SLC2A9: variants seen among roughly 807,000 people sequenced by gnomAD.
The protein encoded by SLC2A9 is solute carrier family 2, facilitated glucose transporter member 9.
A neutral mutation model predicts 50.6 loss-of-function variants in SLC2A9; 39 were observed. The ratio of observed to expected loss-of-function variants is 0.77; its 90% CI spans 0.60 to 1.01. The LOEUF is 1.01. Among genes scored for constraint, SLC2A9 ranks in the 50% least tolerant of loss-of-function variants. The pLI, the probability that SLC2A9 is intolerant of heterozygous loss-of-function variation, is 0.00. For synonymous variants in SLC2A9, 324 were observed against 276.9 expected, an observed-to-expected ratio of 1.17 and a Z score of -1.69; for missense variants, 686 against 677.6, an observed-to-expected ratio of 1.01 and a Z score of -0.14.
intron 11 of SLC2A9, among the ~76,000 whole-genome samples, chr4:9,832,219 TGG>T (rs1436986359): frequency 1.3e-5 from 2 of 152,030 alleles, no homozygotes. Flanking sequence ...GTTGCTCCCA[TGG>T]GCGGGCGTGA....
intron 2 of SLC2A9, among the ~76,000 whole-genome samples, chr4:10,008,580 G>T (rs568844336): frequency 6.6e-6 from 1 of 152,184 alleles, no homozygotes; most frequent in African/African-American, 2.4e-5. Context: ...GCATAGAAAG[G>T]TGCTTACAAA....
chr4:9,979,318 G>A (rs868753643), intron 5 of SLC2A9, among the ~76,000 whole-genome samples: 3 of 152,168 alleles, frequency 2.0e-5, no homozygotes, highest in African/African-American at 4.8e-5. Context: ...GCTCTAGGAC[G>A]TGCGAATTTG....
intron 10 of SLC2A9, chr4:9,879,057 C>T: frequency 1.0e-6 from 1 of 984,774 alleles, no homozygotes; most frequent in East Asian, 1.1e-4. Context: ...TGCTGACCCA[C>T]TGTCAGGCTG....
At chr4:9,889,528 C>T (rs527406225) in intron 9 of SLC2A9, among the ~76,000 whole-genome samples, 12 of 152,320 alleles carry the variant, frequency 7.9e-5, no homozygotes, top group Admixed American at 4.6e-4. Flanking sequence ...CAGGAAGGAA[C>T]TGCATCTGCC....
intron 1 of SLC2A9, among the ~76,000 whole-genome samples, chr4:10,039,232 G>A (rs1181870289): frequency 6.6e-6 from 1 of 152,196 alleles, no homozygotes; most frequent in Non-Finnish European, 1.5e-5. Context: ...CAGTGTAAGT[G>A]CCGCACACAC....
intron 5 of SLC2A9, among the ~76,000 whole-genome samples, chr4:9,943,524 G>A (rs1007872): frequency 0.16 from 24,432 of 152,016 alleles, 2,026 homozygotes; most frequent in South Asian, 0.22. Context: ...GAGTGACTGC[G>A]CATGGGTGTG....
chr4:9,930,231 C>T (rs1031872188), intron 6 of SLC2A9, among the ~76,000 whole-genome samples: 2 of 152,182 alleles, frequency 1.3e-5, no homozygotes, highest in Admixed American at 1.3e-4. Context: ...TTTCACCCAA[C>T]CTTCCCTTCA....
chr4:9,954,426 C>A (rs1236584595), intron 5 of SLC2A9, among the ~76,000 whole-genome samples: 2 of 152,260 alleles, frequency 1.3e-5, no homozygotes, highest in African/African-American at 4.8e-5. Flanking sequence ...ATAAAGAAGT[C>A]TTTGCCTACA....
chr4:10,020,448 C>T lies in SLC2A9; in HGVS notation c.150+832G>A, dbSNP rs75234256. Among the ~76,000 whole-genome samples, 311 of 152,248 alleles carry T rather than the reference C, an allele frequency of 2.0e-3. 7 individuals are homozygous for T. The East Asian group carries it at 0.049, about 24-fold the overall frequency. ...CAGAGGAGGTGCTCCGTAGAGGCTGCTGATCACATGCGGGGGCAAGAGGGA... is the reference window on the plus strand; with the variant it reads ...CAGAGGAGGTGCTCCGTAGAGGCTGTTGATCACATGCGGGGGCAAGAGGGA... On this transcript the variant is annotated intron_variant, in intron 1 of 11. Transcript: ENST00000264784.
chr4:9,890,061 C>T (rs1164356306), intron 9 of SLC2A9, among the ~76,000 whole-genome samples: 1 of 152,158 alleles, frequency 6.6e-6, no homozygotes, highest in Non-Finnish European at 1.5e-5. Context: ...TCATTTCATC[C>T]CACAACACCC....
intron 3 of SLC2A9, among the ~76,000 whole-genome samples, chr4:9,993,353 C>T (rs1167893584): frequency 6.6e-6 from 1 of 152,090 alleles, no homozygotes; most frequent in African/African-American, 2.4e-5. Flanking sequence ...TGGAATGACC[C>T]GTCTCAAATA....
intron 2 of SLC2A9, among the ~76,000 whole-genome samples, chr4:10,014,958 G>C (rs1297686522): frequency 6.6e-6 from 1 of 152,172 alleles, no homozygotes; most frequent in Non-Finnish European, 1.5e-5. Flanking sequence ...GAAGAGTTTG[G>C]GGAATGATTC....
At chr4:9,830,445 T>C (rs1277536797) in intron 11 of SLC2A9, among the ~76,000 whole-genome samples, 1 of 152,208 alleles carries the variant, frequency 6.6e-6, no homozygotes, top group African/African-American at 2.4e-5. Flanking sequence ...GGTTGATCTG[T>C]GTAGCAAACC....
At chr4:9,832,804 G>A (rs1336161350) in intron 11 of SLC2A9, among the ~76,000 whole-genome samples, 2 of 152,188 alleles carry the variant, frequency 1.3e-5, no homozygotes, top group African/African-American at 2.4e-5. Context: ...TCCTAGCACA[G>A]GCAGCGGTGG....
In SLC2A9 at chr4:10,016,177, C is replaced by T. The variant is rs62293387; in HGVS notation, c.249+2798G>A. On this transcript the variant is annotated intron_variant, in intron 2 of 11. Transcript: ENST00000264784. ...GCATACTGGCCACAGAGGTAGAGCT[C>T]CGATATCCCAAACAAGAAGTCCCAT... 2.6e-3 allele frequency among the ~76,000 whole-genome samples: 399 copies of T among 152,310 alleles called. 3 individuals carry two copies. Among genetic ancestry groups the T allele is most frequent in the Non-Finnish European group, 4.2e-3 (283 of 68,020 alleles).
At chr4:9,997,059 ATTTG>A in intron 2 of SLC2A9, 118 bp from the exon 3 acceptor site, 2 of 1,217,238 alleles carry the variant, frequency 1.6e-6, no homozygotes, top group Non-Finnish European at 2.4e-6. Context: ...CACTTTGCTA[ATTTG>A]TTTGAGCTTT....
downstream of SLC2A9, among the ~76,000 whole-genome samples, chr4:9,823,843 T>C (rs1724737018): frequency 6.6e-6 from 1 of 152,214 alleles, no homozygotes; most frequent in Non-Finnish European, 1.5e-5. Context: ...TTGTGTTTCA[T>C]GTATTCTGTG....
intron 2 of SLC2A9, among the ~76,000 whole-genome samples, chr4:10,008,833 G>A (rs1190748161): frequency 6.6e-6 from 1 of 151,672 alleles, no homozygotes; most frequent in African/African-American, 2.4e-5. Flanking sequence ...ACAAATGAGA[G>A]AGATCATCTC....
intron 8 of SLC2A9, among the ~76,000 whole-genome samples, chr4:9,893,749 C>A (rs968378815): frequency 6.6e-6 from 1 of 152,056 alleles, no homozygotes; most frequent in African/African-American, 2.4e-5. Flanking sequence ...CCAGGAGGGA[C>A]CCCCGCAAAG....
Sources: gnomAD v4.1 joint callset for allele counts (sites outside exome capture counted in the v4.1 genomes callset) on GRCh38, gnomAD v4.1.1 for gene constraint, MANE v1.5 for transcripts, NCBI Gene and HGNC (gene_info 2026-07-23, HGNC 2026-07-21) for gene names.